Variants in AVEN observed in about 807,000 individuals in gnomAD.
AVEN encodes apoptosis and caspase activation inhibitor, also known as cell death regulator Aven.
AVEN carries 41 observed loss-of-function variants against 38.1 expected under a neutral mutation model. The observed-to-expected ratio is 1.08, with a 90% CI of 0.84 to 1.40. The LOEUF is 1.40. AVEN is among the 40% of genes most tolerant of loss of function. The pLI is 0.00. For missense variants in AVEN, 605 were observed against 438.8 expected (o/e 1.38, Z -3.38); for synonymous variants, 206 against 171.8 (o/e 1.20, Z -1.56).
chr15:34,039,008 CCG>C lies in AVEN; in HGVS notation c.37_38del (p.Arg13AlafsTer78). The C allele has an allele frequency of 8.9e-7, 1 of 1,122,200 alleles. No individual in the cohort carries two copies. Among genetic ancestry groups the C allele is most frequent in the South Asian group, 3.7e-5 (1 of 26,738 alleles). The allele number at this position is 1,122,200 out of a possible 1,614,324, so 69.5% of individuals were successfully genotyped here. A position where few individuals can be genotyped will look rare whatever the true frequency, so the allele number is the denominator to read the frequency against. On this transcript the variant is annotated frameshift_variant, in exon 1 of 6. Transcript: ENST00000306730. LOFTEE classifies it high-confidence loss of function. ...CGCCAGGCCGGCCGCGGCCTGGCCG[CCG>C]CCCACGGCCTCCCCGAGCTCCTCGC... ...AERGARGGRG[R>X]RPGRGRPGGD...
At chr15:34,010,247 C>A (rs1422551616) in intron 1 of AVEN, among the ~76,000 whole-genome samples, 1 of 152,144 alleles carries the variant, frequency 6.6e-6, no homozygotes, top group Non-Finnish European at 1.5e-5. Flanking sequence ...TTATAATCTG[C>A]TTAATTTAAC....
At position 34,058,412 on chromosome 15, in the gene AVEN, C is replaced by T. The variant is rs556777953; in HGVS notation, n.1637+4510G>A. On this transcript the variant is annotated intron_variant and non_coding_transcript_variant, in intron 5 of 11. Coordinates refer to the AVEN transcript ENST00000675287. ...GAATAAAAATCAAAATGGAGCCACCCATACTAAAGTTCCAAGTCAACAAAC... is the reference window on the plus strand; with the variant it reads ...GAATAAAAATCAAAATGGAGCCACCTATACTAAAGTTCCAAGTCAACAAAC... 2.6e-5 allele frequency among the ~76,000 whole-genome samples: 4 copies of T among 152,184 alleles called. No individual in the cohort carries two copies. The East Asian group carries it at 7.7e-4, about 29-fold the overall frequency.
intron 2 of AVEN, among the ~76,000 whole-genome samples, chr15:33,904,112 T>C (rs1200238374): frequency 6.6e-6 from 1 of 152,228 alleles, no homozygotes; most frequent in Non-Finnish European, 1.5e-5. Flanking sequence ...TGACTGTATA[T>C]GCATATATAT....
intron 2 of AVEN, among the ~76,000 whole-genome samples, chr15:33,883,399 C>T (rs1431365936): frequency 6.6e-6 from 1 of 152,018 alleles, no homozygotes; most frequent in Non-Finnish European, 1.5e-5. Context: ...TGATATTTAG[C>T]TTTAACTTCA....
At chr15:33,968,099 T>TAAAAAAAAAAAAAAAAAAAA (rs71119906) in intron 2 of AVEN, among the ~76,000 whole-genome samples, 2 of 25,852 alleles carry the variant, frequency 7.7e-5, no homozygotes, top group African/African-American at 2.1e-4. Flanking sequence ...TAGCAAAGCT[T>TAAAAAAAAAAAAAAAAAAAA]AAAAAAAAAA....
downstream of AVEN, chr15:33,864,831 G>C (rs1416938806): frequency 3.3e-6 from 1 of 302,186 alleles, no homozygotes. Flanking sequence ...CAGCGGCATG[G>C]AATCAGCTTA....
At chr15:34,024,341 G>A (rs758146824) in intron 1 of AVEN, among the ~76,000 whole-genome samples, 3 of 151,934 alleles carry the variant, frequency 2.0e-5, no homozygotes, top group Non-Finnish European at 4.4e-5. Flanking sequence ...AGTGATGGGC[G>A]GCAATCTCTA....
intron 2 of AVEN, chr15:33,990,761 T>A (rs1054178204): frequency 6.6e-6 from 1 of 152,186 alleles, no homozygotes; most frequent in Non-Finnish European, 1.5e-5. Flanking sequence ...CAAGTATCAT[T>A]TTGATGACTT....
At chr15:33,967,033 T>C (rs1029417421) in intron 2 of AVEN, among the ~76,000 whole-genome samples, 4 of 152,146 alleles carry the variant, frequency 2.6e-5, no homozygotes, top group African/African-American at 9.6e-5. Flanking sequence ...GTATTTATTA[T>C]AGAAGTGACC....
intron 2 of AVEN, chr15:33,883,785 G>C (rs1891589884): frequency 6.6e-6 from 1 of 152,128 alleles, no homozygotes; most frequent in South Asian, 2.1e-4. Flanking sequence ...CAAAATGGAA[G>C]AAAATCTAGA....
At chr15:33,867,379 C>G in intron 5 of AVEN, 116 bp downstream of exon 5, 2 of 1,388,542 alleles carry the variant, frequency 1.4e-6, no homozygotes, top group South Asian at 1.5e-5. Flanking sequence ...TGTCAGTGGA[C>G]AACACTGGAT....
chr15:33,889,210 T>A (rs945961640), intron 2 of AVEN, among the ~76,000 whole-genome samples: 2 of 152,204 alleles, frequency 1.3e-5, no homozygotes, highest in Non-Finnish European at 2.9e-5. Flanking sequence ...ATGGGCATCT[T>A]TTTTGACTGC....
At chr15:33,956,948 T>G (rs890130496) in intron 2 of AVEN, among the ~76,000 whole-genome samples, 1 of 150,032 alleles carries the variant, frequency 6.7e-6, no homozygotes, top group African/African-American at 2.5e-5. Context: ...TGTTCGGGAG[T>G]TTTTTTTGGG....
chr15:34,027,932 T>C (rs1432856623), intron 1 of AVEN, among the ~76,000 whole-genome samples: 2 of 151,838 alleles, frequency 1.3e-5, no homozygotes, highest in Non-Finnish European at 2.9e-5. Flanking sequence ...CTGGAAGATA[T>C]ACACATGTCC....
At chr15:33,968,266 A>T (rs1008731865) in intron 2 of AVEN, among the ~76,000 whole-genome samples, 4 of 152,138 alleles carry the variant, frequency 2.6e-5, no homozygotes, top group African/African-American at 9.6e-5. Flanking sequence ...ACTCTTGCCC[A>T]TTCTACCTGA....
chr15:33,865,771 A>C (rs189438870), downstream of AVEN: 914 of 153,592 alleles, frequency 6.0e-3, 4 homozygotes, highest in Non-Finnish European at 9.4e-3. Flanking sequence ...ATATCGATTA[A>C]GTGCCTTAAA....
intron 2 of AVEN, among the ~76,000 whole-genome samples, chr15:33,918,192 G>A (rs140810317): frequency 3.4e-4 from 51 of 152,108 alleles, no homozygotes; most frequent in African/African-American, 1.2e-3. Flanking sequence ...ATTCTCATAC[G>A]TATCTAAGCA....
At chr15:33,900,286 G>C (rs561837240) in intron 2 of AVEN, among the ~76,000 whole-genome samples, 2 of 149,150 alleles carry the variant, frequency 1.3e-5, no homozygotes, top group South Asian at 2.1e-4. Flanking sequence ...GTGCGGGAAA[G>C]TGGATAGAGT....
chr15:34,068,594 A>G (rs920907287), intron 2 of AVEN, among the ~76,000 whole-genome samples: 1 of 152,144 alleles, frequency 6.6e-6, no homozygotes, highest in African/African-American at 2.4e-5. Flanking sequence ...CATTGTTACA[A>G]TGTTATTATG....
Sources: allele counts gnomAD v4.1 joint callset (sites outside exome capture counted in the v4.1 genomes callset), GRCh38; gene constraint gnomAD v4.1.1; transcripts MANE v1.5; gene names NCBI Gene and HGNC (gene_info 2026-07-23, HGNC 2026-07-21).